Variants in RCAN1 observed in about 807,000 individuals in gnomAD.
RCAN1 encodes calcipressin-1.
A neutral mutation model predicts 22.9 loss-of-function variants in RCAN1; 11 were observed. The observed-to-expected ratio is 0.48, with a 90% CI of 0.30 to 0.79. The LOEUF (loss-of-function observed/expected upper bound fraction) is 0.79, where lower values mean the gene tolerates loss of function less well. Ranked by LOEUF, RCAN1 falls within the 30% of genes least tolerant of loss-of-function variation. The pLI, the probability that RCAN1 is intolerant of heterozygous loss-of-function variation, is 0.06. For missense variants in RCAN1, 291 were observed against 337.8 expected (o/e 0.86, Z 1.09); for synonymous variants, 136 against 142.3 (o/e 0.96, Z 0.32).
chr21:34,583,308 G>C (rs2123700337), intron 1 of RCAN1, among the ~76,000 whole-genome samples: 1 of 151,764 alleles, frequency 6.6e-6, no homozygotes, highest in East Asian at 1.9e-4. Flanking sequence ...CTCCCAAGTA[G>C]CTGGGATTAC....
intron 1 of RCAN1, 76 bp from the exon 2 acceptor site, chr21:34,523,786 T>TC: frequency 8.1e-7 from 1 of 1,231,882 alleles, no homozygotes; most frequent in Non-Finnish European, 1.1e-6. Context: ...TGTCATTACT[T>TC]TTTTTTTTTT....
chr21:34,553,851 C>T (rs543748833), intron 1 of RCAN1, among the ~76,000 whole-genome samples: 15 of 152,210 alleles, frequency 9.9e-5, no homozygotes, highest in Non-Finnish European at 4.4e-5. Flanking sequence ...GGTCTGAAAT[C>T]GAGAAGAAAC....
chr21:34,549,668 T>C (rs1029842291), intron 1 of RCAN1, among the ~76,000 whole-genome samples: 1 of 152,104 alleles, frequency 6.6e-6, no homozygotes, highest in Non-Finnish European at 1.5e-5. Context: ...ACAGCAGCTG[T>C]CTCCAAGATG....
At chr21:34,539,926 G>C (rs1985843492) in intron 1 of RCAN1, among the ~76,000 whole-genome samples, 1 of 152,200 alleles carries the variant, frequency 6.6e-6, no homozygotes, top group Non-Finnish European at 1.5e-5. Flanking sequence ...AGTGTTGGCT[G>C]AGCCATTCTC....
In RCAN1 at chr21:34,614,512, G is replaced by C. The variant is rs1289829599; in HGVS notation, c.252+248C>G. On this transcript the variant is annotated intron_variant, in intron 1 of 3. Transcript: ENST00000313806. The surrounding 1 kb of genome is among the most constrained non-coding windows in gnomAD (Gnocchi z 6.0). ...TAGTCGCACCAGCCTGGGCGCACAC[G>C]GGGGCCGGGGCGAGCCTGTGGGACT... The C allele has an allele frequency of 1.9e-6, 2 of 1,042,118 alleles. No homozygotes were observed. The highest frequency in any genetic ancestry group is 7.7e-5 in the East Asian group (1 of 13,022). 64.6% of individuals were successfully genotyped at this position (1,042,118 alleles called of 1,614,324 possible).
chr21:34,580,500 C>T (rs577493804), intron 1 of RCAN1, among the ~76,000 whole-genome samples: 1 of 152,206 alleles, frequency 6.6e-6, no homozygotes, highest in African/African-American at 2.4e-5. Context: ...CTCACTTGCC[C>T]GGCTATTATC....
chr21:34,563,766 A>ATATATAT (rs1472308848), intron 1 of RCAN1, among the ~76,000 whole-genome samples: 1 of 93,424 alleles, frequency 1.1e-5, no homozygotes, highest in African/African-American at 5.0e-5. Flanking sequence ...AAAAAAAAAA[A>ATATATAT]AAAAATATAT....
chr21:34,585,764 A>G (rs1220832168), intron 1 of RCAN1, among the ~76,000 whole-genome samples: 1 of 148,844 alleles, frequency 6.7e-6, no homozygotes, highest in Non-Finnish European at 1.5e-5. Flanking sequence ...AAAAAAAAAA[A>G]CATAATTCAA....
chr21:34,543,117 T>A (rs552989571), intron 1 of RCAN1, among the ~76,000 whole-genome samples: 1 of 152,360 alleles, frequency 6.6e-6, no homozygotes, highest in South Asian at 2.1e-4. Flanking sequence ...CATGAAAGCG[T>A]TCACTGTTAT....
intron 1 of RCAN1, among the ~76,000 whole-genome samples, chr21:34,571,410 A>G (rs1368688450): frequency 3.3e-5 from 5 of 152,264 alleles, no homozygotes; most frequent in African/African-American, 1.2e-4. Flanking sequence ...CTTAAAATCA[A>G]TTAAATACAT....
chr21:34,594,573 C>G (rs1180914672), intron 1 of RCAN1, among the ~76,000 whole-genome samples: 1 of 151,974 alleles, frequency 6.6e-6, no homozygotes, highest in Admixed American at 6.6e-5. Context: ...ACAACAACAA[C>G]AAAACGAAGG....
intron 2 of RCAN1, chr21:34,523,247 G>A (rs955650858): frequency 1.2e-5 from 4 of 341,632 alleles, no homozygotes; most frequent in East Asian, 6.2e-5. Context: ...GCATAGCCAC[G>A]CCTACCCCGC....
At position 34,615,054 on chromosome 21, in the gene RCAN1, G is replaced by A. The variant is rs193289374; in HGVS notation, c.-43C>T. On this transcript the variant is annotated 5_prime_UTR_variant, in exon 1 of 4. Coordinates refer to ENST00000313806, the MANE Select transcript of RCAN1 (RefSeq NM_004414.7). ...CCTGTGCGCCCCAGCGGGCTGCTCC[G>A]GGCTTGCGCGCCGGAGCCTCACGCG... The A allele has an allele frequency of 1.4e-3, 1,457 of 1,018,948 alleles. 40 individuals carry two copies. In the East Asian group the frequency reaches 0.077, roughly 54 times the overall value. 63.1% of individuals were successfully genotyped at this position (1,018,948 alleles called of 1,614,324 possible).
At chr21:34,601,651 T>C (rs1418723850) in intron 1 of RCAN1, among the ~76,000 whole-genome samples, 6 of 151,982 alleles carry the variant, frequency 3.9e-5, no homozygotes, top group Non-Finnish European at 5.9e-5. Context: ...ACCCCATCTC[T>C]ACTAAAAATA....
At chr21:34,599,597 G>A (rs1031288300) in intron 1 of RCAN1, among the ~76,000 whole-genome samples, 1 of 152,126 alleles carries the variant, frequency 6.6e-6, no homozygotes, top group African/African-American at 2.4e-5. Context: ...CTATTTAAGT[G>A]TATTTATCTT....
chr21:34,554,111 G>A (rs1568904955), intron 1 of RCAN1, among the ~76,000 whole-genome samples: 4 of 152,202 alleles, frequency 2.6e-5, no homozygotes, highest in African/African-American at 9.6e-5. Flanking sequence ...TCTTTAGCTA[G>A]AGCTCTCGGG....
intron 1 of RCAN1, among the ~76,000 whole-genome samples, chr21:34,569,439 C>A (rs1987156927): frequency 6.6e-6 from 1 of 152,176 alleles, no homozygotes; most frequent in African/African-American, 2.4e-5. Context: ...CAAATACTAA[C>A]AAACGCACCT....
chr21:34,535,285 G>A (rs2123612541), intron 1 of RCAN1, among the ~76,000 whole-genome samples: 1 of 152,058 alleles, frequency 6.6e-6, no homozygotes, highest in South Asian at 2.1e-4. Context: ...TTCTATTTTT[G>A]TTCACTTTTA....
Position 34,614,003 on chromosome 21 carries a change from C to A in RCAN1, c.252+757G>T, listed in dbSNP as rs1384931051. ...AATAACTGCAGATTTGAAATAAATT[C>A]TTCCTCCCCACCACCATTATTGATT... is the stretch of plus-strand genomic sequence containing the variant. On this transcript the variant is annotated intron_variant, in intron 1 of 3. Coordinates refer to ENST00000313806, the MANE Select transcript of RCAN1 (RefSeq NM_004414.7). The surrounding 1 kb of genome is among the most constrained non-coding windows in gnomAD (Gnocchi z 6.0). Among the ~76,000 whole-genome samples the A allele has an allele frequency of 1.3e-5, 2 of 152,222 alleles. No homozygotes were observed. The highest frequency in any genetic ancestry group is 2.9e-5 in the Non-Finnish European group (2 of 68,042).
Sources: allele counts gnomAD v4.1 joint callset (sites outside exome capture counted in the v4.1 genomes callset), GRCh38; gene constraint gnomAD v4.1.1; non-coding constraint Gnocchi (gnomAD v3.1); transcripts MANE v1.5; gene names NCBI Gene and HGNC (gene_info 2026-07-23, HGNC 2026-07-21).